Variants in MACROD2 observed in about 807,000 individuals in gnomAD.
MACROD2 encodes mono-ADP ribosylhydrolase 2.
A neutral mutation model predicts 70.4 loss-of-function variants in MACROD2; 36 were observed. The observed-to-expected ratio is 0.51, with a 90% CI of 0.39 to 0.68. The LOEUF (loss-of-function observed/expected upper bound fraction) is 0.68. Ranked by LOEUF, MACROD2 falls within the 30% of genes least tolerant of loss-of-function variation. The probability of loss-of-function intolerance (pLI) is 0.00; values close to 1 mark genes in which losing one functional copy is unlikely to be tolerated. For synonymous variants in MACROD2, 172 were observed against 178.8 expected (o/e 0.96, Z 0.30); for missense variants, 496 against 538.4 (o/e 0.92, Z 0.78).
chr20:14,572,320 T>C (rs1980246881), intron 4 of MACROD2, among the ~76,000 whole-genome samples: 1 of 152,154 alleles, frequency 6.6e-6, no homozygotes. Flanking sequence ...GATTCTCAAA[T>C]ATTGCTGATG....
chr20:15,654,643 C>T (rs1168537938), intron 8 of MACROD2, among the ~76,000 whole-genome samples: 1 of 152,202 alleles, frequency 6.6e-6, no homozygotes, highest in African/African-American at 2.4e-5. Flanking sequence ...AGTCTGTCAG[C>T]TAAGCTGTCC....
chr20:15,317,474 A>G (rs2077823587), intron 6 of MACROD2, among the ~76,000 whole-genome samples: 1 of 146,690 alleles, frequency 6.8e-6, no homozygotes, highest in Non-Finnish European at 1.5e-5. Context: ...ATCTCTGTCC[A>G]TCCATCTAAT....
At chr20:15,254,096 T>C (rs2077178231) in intron 6 of MACROD2, among the ~76,000 whole-genome samples, 1 of 152,154 alleles carries the variant, frequency 6.6e-6, no homozygotes, top group Non-Finnish European at 1.5e-5. Flanking sequence ...ACACTTACTT[T>C]AAAATGTCTC....
At chr20:15,613,635 T>C (rs551322561) in intron 8 of MACROD2, among the ~76,000 whole-genome samples, 1 of 152,342 alleles carries the variant, frequency 6.6e-6, no homozygotes, top group Admixed American at 6.5e-5. Context: ...TAATGACCTA[T>C]TCCACTGATA....
intron 8 of MACROD2, among the ~76,000 whole-genome samples, chr20:15,628,784 G>A (rs1568938872): frequency 1.3e-5 from 2 of 152,222 alleles, no homozygotes. Flanking sequence ...GAAAACCAGA[G>A]CCCTGCATGT....
At chr20:14,813,337 T>C (rs996725198) in intron 5 of MACROD2, among the ~76,000 whole-genome samples, 19 of 150,938 alleles carry the variant, frequency 1.3e-4, no homozygotes, top group African/African-American at 4.6e-4. Flanking sequence ...CCTGATGCTC[T>C]CCCCCTTCCT....
At chr20:15,457,882 C>T (rs2046749503) in intron 7 of MACROD2, among the ~76,000 whole-genome samples, 2 of 151,346 alleles carry the variant, frequency 1.3e-5, no homozygotes, top group Non-Finnish European at 2.9e-5. Context: ...ACTGTGGTTT[C>T]CCTTCTTCCA....
intron 10 of MACROD2, among the ~76,000 whole-genome samples, chr20:15,889,730 C>T (rs147335181): frequency 6.2e-4 from 95 of 152,300 alleles, no homozygotes; most frequent in African/African-American, 2.2e-3. Context: ...TAGCCCCAGT[C>T]TGAGCCAGCA....
intron 8 of MACROD2, among the ~76,000 whole-genome samples, chr20:15,638,042 C>A (rs908553536): frequency 6.6e-6 from 1 of 151,824 alleles, no homozygotes; most frequent in African/African-American, 2.4e-5. Context: ...TTTTTTTTTA[C>A]GAGGCTTGTG....
intron 8 of MACROD2, among the ~76,000 whole-genome samples, chr20:15,663,295 G>A (rs1838379453): frequency 6.7e-6 from 1 of 149,894 alleles, no homozygotes; most frequent in Non-Finnish European, 1.5e-5. Context: ...TACTGCAGTG[G>A]TGTGATCTCA....
At chr20:14,176,185 TG>T (rs1909055732) in intron 3 of MACROD2, among the ~76,000 whole-genome samples, 1 of 152,226 alleles carries the variant, frequency 6.6e-6, no homozygotes, top group African/African-American at 2.4e-5. Flanking sequence ...GATGTTTATC[TG>T]AGAGATTACT....
rs558001819 is a variant in MACROD2 at position 14,554,930 on chromosome 20, T to G, written c.301+61422T>G. On this transcript the variant is annotated intron_variant, in intron 4 of 17. Coordinates refer to ENST00000684519, the MANE Select transcript of MACROD2 (RefSeq NM_001351661.2). ...TGTGTTTTGAGACCAAGGTTTTTTG[T>G]TTGTTTTAATATTTTGGGGAGACAT... Among the ~76,000 whole-genome samples, 246 of 152,170 alleles carry G rather than the reference T, an allele frequency of 1.6e-3. 1 individual carries two copies. Among genetic ancestry groups the G allele is most frequent in the African/African-American group, 5.4e-3 (225 of 41,552 alleles).
chr20:14,908,464 G>A (rs551906605), intron 5 of MACROD2, among the ~76,000 whole-genome samples: 1 of 152,260 alleles, frequency 6.6e-6, no homozygotes, highest in African/African-American at 2.4e-5. Context: ...AGACCAGCCT[G>A]GCCAACGTGA....
intron 3 of MACROD2, among the ~76,000 whole-genome samples, chr20:14,299,740 A>G (rs2122482847): frequency 6.6e-6 from 1 of 152,288 alleles, no homozygotes; most frequent in South Asian, 2.1e-4. Context: ...TAATATTTGC[A>G]AAGTACCTTT....
At position 15,135,586 on chromosome 20, in the gene MACROD2, T is replaced by C. The variant is rs2076140708; in HGVS notation, c.419-94354T>C. 2.2e-5 allele frequency among the ~76,000 whole-genome samples: 3 copies of C among 134,112 alleles called. No homozygotes were observed. The Admixed American group carries it at 2.3e-4, about 10-fold the overall frequency. 88.0% of individuals were successfully genotyped at this position (134,112 alleles called of 152,430 possible). On this transcript the variant is annotated intron_variant, in intron 5 of 17. Coordinates refer to ENST00000684519, the MANE Select transcript of MACROD2 (RefSeq NM_001351661.2). ...ATCTCAAAATAATAAGAGCTATCTATGACAAACCCACAGCCAATATCATAC... is the reference window on the plus strand; with the variant it reads ...ATCTCAAAATAATAAGAGCTATCTACGACAAACCCACAGCCAATATCATAC...
intron 7 of MACROD2, among the ~76,000 whole-genome samples, chr20:15,467,765 C>T (rs932759284): frequency 6.6e-6 from 1 of 152,168 alleles, no homozygotes; most frequent in Non-Finnish European, 1.5e-5. Flanking sequence ...TTTATTCATT[C>T]CACAAATGTT....
Position 15,967,613 on chromosome 20 carries a change from A to T in MACROD2, c.968A>T (p.Asp323Val), listed in dbSNP as rs2066161039. Reference protein sequence around the residue: ...GGEVTDHSVRDQDHPDGQEND... With the variant: ...GGEVTDHSVRVQDHPDGQEND... ...GAAGTGACAGATCATTCTGTGCGTGACCAAGATCATCCCGATGGTAGGTTG... is the reference window on the plus strand; with the variant it reads ...GAAGTGACAGATCATTCTGTGCGTGTCCAAGATCATCCCGATGGTAGGTTG... The change falls in exon 13 of 18, where the codon GAC becomes GTC. Residue 323 changes from aspartate (D) to valine (V), a missense_variant. By Grantham distance (152) the Asp-to-Val change is radical. Coordinates refer to ENST00000684519, the MANE Select transcript of MACROD2 (RefSeq NM_001351661.2). 1 of 1,606,546 alleles carries T rather than the reference A, an allele frequency of 6.2e-7. No homozygotes were observed. Among genetic ancestry groups the T allele is most frequent in the African/African-American group, 1.3e-5 (1 of 74,144 alleles).
intron 7 of MACROD2, among the ~76,000 whole-genome samples, chr20:15,436,744 G>A (rs776671487): frequency 3.3e-5 from 5 of 151,696 alleles, no homozygotes; most frequent in Non-Finnish European, 7.4e-5. Context: ...AGGGTTTGAC[G>A]TAATATTCTA....
chr20:14,596,146 C>T (rs1982115115), intron 4 of MACROD2, among the ~76,000 whole-genome samples: 1 of 151,556 alleles, frequency 6.6e-6, no homozygotes, highest in Admixed American at 6.6e-5. Context: ...AGTGCAGTGG[C>T]ACGATCTCGG....
Sources: allele counts gnomAD v4.1 joint callset (sites outside exome capture counted in the v4.1 genomes callset), GRCh38; gene constraint gnomAD v4.1.1; transcripts MANE v1.5; gene names NCBI Gene and HGNC (gene_info 2026-07-23, HGNC 2026-07-21).